Variants in TADA2A observed in about 807,000 individuals in gnomAD.
TADA2A encodes transcriptional adapter 2-alpha.
Under a neutral mutation model 67.4 loss-of-function variants are expected in TADA2A, and 38 were observed. The observed-to-expected ratio is 0.56, with a 90% confidence interval of 0.44 to 0.74. TADA2A has a LOEUF of 0.74. Ranked by LOEUF, TADA2A falls within the 30% of genes least tolerant of loss-of-function variation. The pLI, the probability that TADA2A is intolerant of heterozygous loss-of-function variation, is 0.00. For missense variants in TADA2A, 454 were observed against 547.0 expected (o/e 0.83, Z 1.70); for synonymous variants, 192 against 181.6 (o/e 1.06, Z -0.46).
rs945601504 is a variant in TADA2A at position 37,477,864 on chromosome 17, G to T, written c.*882G>T. On this transcript the variant is annotated 3_prime_UTR_variant, in exon 16 of 16. Transcript: ENST00000615182. ...TTCGGCCGGGCAAGGTGGCTCACCT[G>T]TAATCCCAGCACTTTGGGAGGCTAA... 4 of 152,108 alleles carry T rather than the reference G, an allele frequency of 2.6e-5. No individual in the cohort carries two copies. Among genetic ancestry groups the T allele is most frequent in the Admixed American group, 6.5e-5 (1 of 15,268 alleles). The allele number at this position is 152,108 out of a possible 1,614,324, so 9.4% of individuals were successfully genotyped here.
chr17:37,418,623 C>G (rs2052128270), intron 2 of TADA2A, among the ~76,000 whole-genome samples: 1 of 151,090 alleles, frequency 6.6e-6, no homozygotes, highest in Non-Finnish European at 1.5e-5. Context: ...CGGAGTTTCG[C>G]TGTTGTCACC....
chr17:37,474,205 C>T (rs2053848123), intron 14 of TADA2A, among the ~76,000 whole-genome samples: 1 of 152,136 alleles, frequency 6.6e-6, no homozygotes, highest in South Asian at 2.1e-4. Flanking sequence ...CAACACTGCA[C>T]TCCAGCCTGA....
At chr17:37,448,795 A>G (rs2053153046) in intron 8 of TADA2A, among the ~76,000 whole-genome samples, 1 of 152,178 alleles carries the variant, frequency 6.6e-6, no homozygotes, top group Admixed American at 6.6e-5. Flanking sequence ...AGTACAGTTC[A>G]CAATTTCTTC....
chr17:37,422,498 T>TTA (rs1555681188), intron 2 of TADA2A, among the ~76,000 whole-genome samples: 6,139 of 144,948 alleles, frequency 0.042, 443 homozygotes, highest in African/African-American at 0.15. Flanking sequence ...ATTATTATTA[T>TTA]TATTATTATT....
At chr17:37,410,782 T>G (rs2051840851) in intron 1 of TADA2A, among the ~76,000 whole-genome samples, 1 of 152,174 alleles carries the variant, frequency 6.6e-6, no homozygotes, top group East Asian at 1.9e-4. Flanking sequence ...CCTGGTTGCT[T>G]TAGCTTTTGT....
intron 15 of TADA2A, among the ~76,000 whole-genome samples, chr17:37,476,189 TTTATCCTTAC>T (rs1278641051): frequency 1.3e-5 from 2 of 152,206 alleles, no homozygotes; most frequent in Non-Finnish European, 2.9e-5. Flanking sequence ...TCAAGCTTTT[TTTATCCTTAC>T]CCACATAATG....
intron 8 of TADA2A, among the ~76,000 whole-genome samples, chr17:37,455,811 T>C (rs1417098963): frequency 6.6e-6 from 1 of 152,208 alleles, no homozygotes; most frequent in African/African-American, 2.4e-5. Flanking sequence ...GGAACCAGAC[T>C]GCTTATTTTT....
chr17:37,461,797 T>C (rs2053553052), intron 9 of TADA2A: 1 of 277,638 alleles, frequency 3.6e-6, no homozygotes, highest in Non-Finnish European at 6.8e-6. Context: ...CAGACATGTG[T>C]TTTTCAGCAT....
chr17:37,462,164 T>C (rs1212951295), intron 10 of TADA2A, 43 bp downstream of exon 10: 1 of 1,287,390 alleles, frequency 7.8e-7, no homozygotes, highest in Non-Finnish European at 1.1e-6. Flanking sequence ...TTTTTTCCAA[T>C]ATTATTGAAT....
In TADA2A at chr17:37,479,457, T is replaced by G. The variant is rs376969792; in HGVS notation, c.*2475T>G. 17 of 152,216 alleles carry G rather than the reference T, an allele frequency of 1.1e-4. No homozygotes were observed. The highest frequency in any genetic ancestry group is 4.1e-4 in the African/African-American group (17 of 41,448). 9.4% of individuals were successfully genotyped at this position (152,216 alleles called of 1,614,324 possible). On this transcript the variant is annotated 3_prime_UTR_variant, in exon 16 of 16. Coordinates refer to ENST00000615182, the MANE Select transcript of TADA2A (RefSeq NM_001166105.3). ...GACTGGATTTTTGAAAGTAGGATTA[T>G]TATTTCTTTGGTATACCGAACTTTG...
chr17:37,440,683 A>G (rs762483910), intron 6 of TADA2A, 21 bp downstream of exon 6: 8 of 1,613,698 alleles, frequency 5.0e-6, no homozygotes, highest in East Asian at 4.5e-5. Flanking sequence ...CCCTATCTTG[A>G]TAAGATATAC....
chr17:37,446,478 T>G (rs1471325938), intron 8 of TADA2A, among the ~76,000 whole-genome samples: 1 of 151,964 alleles, frequency 6.6e-6, no homozygotes, highest in Non-Finnish European at 1.5e-5. Flanking sequence ...AATACCAAAT[T>G]TTTGGCTGGG....
intron 8 of TADA2A, among the ~76,000 whole-genome samples, chr17:37,446,588 A>AC (rs554560694): frequency 9.4e-4 from 135 of 143,174 alleles, no homozygotes; most frequent in African/African-American, 3.5e-3. Flanking sequence ...ACACAGTGAG[A>AC]CCCTGTCTCT....
At chr17:37,443,766 A>G (rs116465057) in intron 7 of TADA2A, among the ~76,000 whole-genome samples, 1 of 152,206 alleles carries the variant, frequency 6.6e-6, no homozygotes, top group Non-Finnish European at 1.5e-5. Flanking sequence ...GTAAAACTTT[A>G]TGTACAAAAA....
chr17:37,453,186 G>A (rs1383085214), intron 8 of TADA2A, among the ~76,000 whole-genome samples: 4 of 152,046 alleles, frequency 2.6e-5, no homozygotes, highest in Admixed American at 2.6e-4. Context: ...GAGAGAGAGA[G>A]AAAAGAAAAA....
rs1009707751 is a variant in TADA2A at position 37,478,089 on chromosome 17, G to C, written c.*1107G>C. 2 of 147,788 alleles carry C rather than the reference G, an allele frequency of 1.4e-5. No individual in the cohort carries two copies. The highest frequency in any genetic ancestry group is 5.1e-5 in the African/African-American group (2 of 39,562). 9.2% of individuals were successfully genotyped at this position (147,788 alleles called of 1,614,324 possible). ...GCTGAGATCACGCCACTGTGCTCCA[G>C]CCTGGGCAACAAAGTGAGACTCTGT... On this transcript the variant is annotated 3_prime_UTR_variant, in exon 16 of 16. Transcript: ENST00000615182.
intron 4 of TADA2A, among the ~76,000 whole-genome samples, chr17:37,431,516 AAAAT>A (rs2052566691): frequency 6.6e-6 from 1 of 152,120 alleles, no homozygotes; most frequent in Admixed American, 6.6e-5. Context: ...ACTAACTCTT[AAAAT>A]TATTGACTCG....
At chr17:37,415,352 G>A (rs1025280776) in intron 2 of TADA2A, among the ~76,000 whole-genome samples, 7 of 152,084 alleles carry the variant, frequency 4.6e-5, no homozygotes, top group Middle Eastern at 6.8e-3. Context: ...TTTTATAGTT[G>A]CATAATACTT....
rs753929800 is a variant in TADA2A at position 37,420,582 on chromosome 17, G to A, written c.26-2927G>A. Among the ~76,000 whole-genome samples the A allele has an allele frequency of 2.8e-4, 41 of 145,358 alleles. 4 individuals carry two copies. Among genetic ancestry groups the A allele is most frequent in the Non-Finnish European group, 5.8e-4 (38 of 65,224 alleles). On this transcript the variant is annotated intron_variant, in intron 2 of 15. Coordinates refer to ENST00000615182, the MANE Select transcript of TADA2A (RefSeq NM_001166105.3). ...TAATTTTTGTATTTTTAGTGGAGATGGGGTTTCGCCATGCTGGTCAGGTTA... is the reference window on the plus strand; with the variant it reads ...TAATTTTTGTATTTTTAGTGGAGATAGGGTTTCGCCATGCTGGTCAGGTTA...
Sources: gnomAD v4.1 joint callset for allele counts (sites outside exome capture counted in the v4.1 genomes callset) on GRCh38, gnomAD v4.1.1 for gene constraint, MANE v1.5 for transcripts, NCBI Gene and HGNC (gene_info 2026-07-23, HGNC 2026-07-21) for gene names.